Variants in NREP observed in about 807,000 individuals in gnomAD.
NREP encodes neuronal regeneration related protein, also known as neuronal regeneration-related protein.
In NREP, 5 loss-of-function variants were observed where a neutral mutation model predicts 8.6. The observed-to-expected ratio is 0.58, with a 90% confidence interval of 0.30 to 1.22. The LOEUF (loss-of-function observed/expected upper bound fraction) is 1.22, where lower values mean the gene tolerates loss of function less well. Among genes scored for constraint, NREP ranks in the 50% most tolerant of loss-of-function variants. The pLI is 0.07. For missense variants in NREP, 86 were observed against 82.5 expected, an observed-to-expected ratio of 1.04 and a Z score of -0.17; for synonymous variants, 27 against 28.0, an observed-to-expected ratio of 0.96 and a Z score of 0.11.
intron 2 of NREP, among the ~76,000 whole-genome samples, chr5:111,893,293 C>G (rs1175609608): frequency 6.6e-6 from 1 of 152,142 alleles, no homozygotes; most frequent in African/African-American, 2.4e-5. Flanking sequence ...TTGGGCAATA[C>G]TCAGTTGATA....
At chr5:111,961,155 G>C (rs531632974) in intron 2 of NREP, among the ~76,000 whole-genome samples, 2 of 152,146 alleles carry the variant, frequency 1.3e-5, no homozygotes, top group African/African-American at 4.8e-5. Flanking sequence ...GGCCACATAA[G>C]TAGTTAGGCC....
chr5:111,880,158 G>C (rs1463891988), intron 2 of NREP, among the ~76,000 whole-genome samples: 1 of 152,098 alleles, frequency 6.6e-6, no homozygotes, highest in Admixed American at 6.5e-5. Context: ...TGAGACACTA[G>C]GCAGATTTTT....
At chr5:111,967,636 G>C (rs775863599) in intron 2 of NREP, among the ~76,000 whole-genome samples, 2 of 151,906 alleles carry the variant, frequency 1.3e-5, no homozygotes, top group Non-Finnish European at 2.9e-5. Flanking sequence ...CCCGGCCCCC[G>C]CCCTGTCTGG....
chr5:111,817,802 C>G (rs1752427244), intron 2 of NREP, among the ~76,000 whole-genome samples: 2 of 93,308 alleles, frequency 2.1e-5, no homozygotes, highest in South Asian at 7.0e-4. Context: ...AAGACTTCAT[C>G]TCAAAAAAAA....
chr5:111,924,909 G>A (rs1209923950), intron 2 of NREP, among the ~76,000 whole-genome samples: 2 of 152,138 alleles, frequency 1.3e-5, no homozygotes, highest in South Asian at 4.1e-4. Context: ...TGGCTCCCAT[G>A]TGAGCTAAAA....
intron 2 of NREP, among the ~76,000 whole-genome samples, chr5:111,970,584 G>A (rs1756784564): frequency 6.6e-6 from 1 of 152,058 alleles, no homozygotes. Context: ...CCAGCACTTT[G>A]GGAGGCTGAG....
intron 2 of NREP, among the ~76,000 whole-genome samples, chr5:111,898,380 G>A (rs1030997110): frequency 1.3e-5 from 2 of 152,156 alleles, no homozygotes; most frequent in African/African-American, 4.8e-5. Context: ...GCTGAGGGGT[G>A]GAAGAGAAAG....
At chr5:111,847,245 G>A (rs972491904) in intron 2 of NREP, among the ~76,000 whole-genome samples, 1 of 152,084 alleles carries the variant, frequency 6.6e-6, no homozygotes, top group Non-Finnish European at 1.5e-5. Flanking sequence ...CTGCCGAACG[G>A]TTGGGTTCTA....
intron 2 of NREP, among the ~76,000 whole-genome samples, chr5:111,937,334 G>A (rs1755711892): frequency 6.6e-6 from 1 of 152,082 alleles, no homozygotes; most frequent in Admixed American, 6.6e-5. Flanking sequence ...CCTGCACGTA[G>A]TATTCAAGCA....
At chr5:111,836,971 A>G (rs1424153190) in intron 2 of NREP, among the ~76,000 whole-genome samples, 2 of 152,096 alleles carry the variant, frequency 1.3e-5, no homozygotes, top group African/African-American at 4.8e-5. Flanking sequence ...AATTGAGAGG[A>G]AGAAAGAAGA....
rs182682537 is a variant in NREP, at chr5:111,872,902, A to G, written c.135+102372T>C. Reference sequence around the variant, plus strand: ...AAGAACATAAGAGTAGTACATGACAAAATTCCTGGAAATGGCTTTGGATTT... The same window carrying G: ...AAGAACATAAGAGTAGTACATGACAGAATTCCTGGAAATGGCTTTGGATTT... On this transcript the variant is annotated intron_variant, in intron 2 of 3. Transcript: ENST00000395634. Among the ~76,000 whole-genome samples the G allele has an allele frequency of 7.9e-5, 12 of 152,288 alleles. No homozygotes were observed. In the East Asian group the frequency reaches 1.9e-3, roughly 25 times the overall value.
chr5:111,761,815 T>C (rs371870824), upstream of NREP, among the ~76,000 whole-genome samples: 1 of 152,192 alleles, frequency 6.6e-6, no homozygotes, highest in Non-Finnish European at 1.5e-5. Flanking sequence ...AATGGGCTAA[T>C]AAGCAGGTGA....
chr5:111,746,031 C>T (rs900860198), intron 2 of NREP, among the ~76,000 whole-genome samples: 3 of 152,074 alleles, frequency 2.0e-5, no homozygotes, highest in African/African-American at 7.2e-5. Flanking sequence ...TGTATTCAAT[C>T]ACAGTCAAAG....
At chr5:111,919,912 AAAG>A (rs1221720689) in intron 2 of NREP, among the ~76,000 whole-genome samples, 35 of 151,262 alleles carry the variant, frequency 2.3e-4, no homozygotes, top group South Asian at 1.5e-3. Flanking sequence ...AGAAAGAAAG[AAAG>A]AAAGATCTGA....
intron 2 of NREP, among the ~76,000 whole-genome samples, chr5:111,833,259 G>A (rs6594546): frequency 0.98 from 149,461 of 152,320 alleles, 73,394 homozygotes; most frequent in East Asian, 1. Context: ...CTTGTTATTT[G>A]TGTGCACCCT....
chr5:111,797,100 G>GATAC (rs1295566774), intron 2 of NREP, among the ~76,000 whole-genome samples: 1 of 151,182 alleles, frequency 6.6e-6, no homozygotes, highest in African/African-American at 2.4e-5. Flanking sequence ...TAGATAGATA[G>GATAC]ATAGATAGAT....
At chr5:111,882,977 T>C (rs1392364184) in intron 2 of NREP, among the ~76,000 whole-genome samples, 3 of 152,248 alleles carry the variant, frequency 2.0e-5, no homozygotes, top group African/African-American at 7.2e-5. Context: ...CACATAACAA[T>C]ATTAACTTTA....
chr5:111,757,813 T>G, upstream of NREP: 1 of 971,520 alleles, frequency 1.0e-6, no homozygotes, highest in Non-Finnish European at 1.2e-6. Context: ...CGGTTGCTTT[T>G]CAGACAAATA....
At chr5:111,904,651 A>T (rs1754733884) in intron 2 of NREP, among the ~76,000 whole-genome samples, 1 of 152,146 alleles carries the variant, frequency 6.6e-6, no homozygotes, top group Admixed American at 6.6e-5. Context: ...CAGGAACTTC[A>T]TCATAAAATG....
Sources: gnomAD v4.1 joint callset for allele counts (sites outside exome capture counted in the v4.1 genomes callset) on GRCh38, gnomAD v4.1.1 for gene constraint, MANE v1.5 for transcripts, NCBI Gene and HGNC (gene_info 2026-07-23, HGNC 2026-07-21) for gene names.